Variants in NCOA2 observed in about 807,000 individuals in gnomAD.
NCOA2 encodes nuclear receptor coactivator 2.
A neutral mutation model predicts 145.1 loss-of-function variants in NCOA2; 21 were observed. That is an observed-to-expected ratio of 0.14 (90% CI 0.10 to 0.21). NCOA2 has a LOEUF of 0.21. Among genes scored for constraint, NCOA2 ranks in the 10% least tolerant of loss-of-function variants. NCOA2 has a pLI of 1.00. For synonymous variants in NCOA2, 619 were observed against 637.5 expected (o/e 0.97, Z 0.44); for missense variants, 1,472 against 1,837.6 (o/e 0.80, Z 3.64).
intron 7 of NCOA2, among the ~76,000 whole-genome samples, chr8:70,165,249 C>CATT (rs1488970380): frequency 2.0e-5 from 3 of 152,216 alleles, no homozygotes; most frequent in African/African-American, 7.2e-5. Flanking sequence ...TTATCTCTAA[C>CATT]AGCTCTAATA....
At chr8:70,293,911 T>C (rs1280145064) in intron 2 of NCOA2, among the ~76,000 whole-genome samples, 2 of 152,128 alleles carry the variant, frequency 1.3e-5, no homozygotes, top group Non-Finnish European at 1.5e-5. Context: ...TTTCATATAC[T>C]CAAATCTGGA....
intron 1 of NCOA2, among the ~76,000 whole-genome samples, chr8:70,334,162 A>C (rs1263491228): frequency 6.6e-6 from 1 of 152,212 alleles, no homozygotes; most frequent in Non-Finnish European, 1.5e-5. Flanking sequence ...TTTAAGGCCA[A>C]ATTTATATCC....
chr8:70,253,101 AT>A (rs1458090803), intron 2 of NCOA2, among the ~76,000 whole-genome samples: 1 of 152,050 alleles, frequency 6.6e-6, no homozygotes, highest in African/African-American at 2.4e-5. Context: ...TTTTGTGAAG[AT>A]TATTTATCCT....
intron 1 of NCOA2, among the ~76,000 whole-genome samples, chr8:70,364,741 TAA>T (rs796932464): frequency 1.2e-4 from 15 of 123,630 alleles, no homozygotes; most frequent in African/African-American, 2.0e-4. Flanking sequence ...TCCCAATACT[TAA>T]AAAAAAAAAA....
At chr8:70,255,614 C>T (rs1279266084) in intron 2 of NCOA2, among the ~76,000 whole-genome samples, 2 of 152,172 alleles carry the variant, frequency 1.3e-5, no homozygotes, top group African/African-American at 2.4e-5. Flanking sequence ...CTATCACGTT[C>T]GGCACATACA....
chr8:70,373,994 T>C (rs1161881295), intron 1 of NCOA2, among the ~76,000 whole-genome samples: 12 of 152,200 alleles, frequency 7.9e-5, no homozygotes, highest in Admixed American at 5.9e-4. Flanking sequence ...TCCTAAGTCT[T>C]TGCACTTCCA....
intron 11 of NCOA2, among the ~76,000 whole-genome samples, chr8:70,148,974 A>AT (rs778840741): frequency 1.7e-3 from 244 of 146,944 alleles, no homozygotes; most frequent in East Asian, 3.8e-3. Flanking sequence ...TCCCTTCAGG[A>AT]TTTTTTTTTT....
chr8:70,400,301 G>A (rs1164798545), intron 1 of NCOA2, among the ~76,000 whole-genome samples: 3 of 152,090 alleles, frequency 2.0e-5, no homozygotes, highest in African/African-American at 7.2e-5. Flanking sequence ...CAGGAGGAAG[G>A]AAGCTCAGAT....
intron 4 of NCOA2, among the ~76,000 whole-genome samples, chr8:70,205,609 A>T (rs1473648295): frequency 6.6e-6 from 1 of 152,074 alleles, no homozygotes; most frequent in Non-Finnish European, 1.5e-5. Flanking sequence ...GAGAGGGGAA[A>T]AAAAAAGAGG....
chr8:70,159,695 A>T, intron 9 of NCOA2, 43 bp from the exon 10 acceptor site: 1 of 1,574,756 alleles, frequency 6.4e-7, no homozygotes, highest in Non-Finnish European at 8.7e-7. Context: ...TAGAAAAAAA[A>T]ATTGAGGGGT....
intron 1 of NCOA2, among the ~76,000 whole-genome samples, chr8:70,341,626 G>C (rs900272267): frequency 4.6e-5 from 7 of 152,148 alleles, no homozygotes; most frequent in Non-Finnish European, 7.3e-5. Context: ...AATCAGCAAT[G>C]AATTTTGTTT....
intron 11 of NCOA2, among the ~76,000 whole-genome samples, chr8:70,155,545 T>C (rs971640160): frequency 1.3e-5 from 2 of 152,248 alleles, no homozygotes; most frequent in Non-Finnish European, 2.9e-5. Context: ...ATTTTTTTAA[T>C]GGTTAAAAAC....
chr8:70,300,577 T>C (rs1827410209), intron 1 of NCOA2, among the ~76,000 whole-genome samples: 1 of 152,216 alleles, frequency 6.6e-6, no homozygotes, highest in African/African-American at 2.4e-5. Context: ...ATAAGACAGC[T>C]GGCAGCATTA....
At chr8:70,152,869 A>T (rs1811896270) in intron 11 of NCOA2, among the ~76,000 whole-genome samples, 1 of 152,224 alleles carries the variant, frequency 6.6e-6, no homozygotes. Flanking sequence ...TTAACTGTGC[A>T]ATTCAGACTC....
At chr8:70,442,609 A>T in the NCOA2 span, among the ~76,000 whole-genome samples, 1 of 152,238 alleles carries the variant, frequency 6.6e-6, no homozygotes, top group Non-Finnish European at 1.5e-5. Context: ...TGTGAAACAC[A>T]GGGTGAAATT....
chr8:70,250,417 A>AAAAAG (rs1823060910), intron 2 of NCOA2, among the ~76,000 whole-genome samples: 1 of 145,590 alleles, frequency 6.9e-6, no homozygotes, highest in Non-Finnish European at 1.5e-5. Flanking sequence ...AAAAAAAAAA[A>AAAAAG]AAAAGTCAGC....
chr8:70,147,749 C>T (rs1417924924), intron 12 of NCOA2, among the ~76,000 whole-genome samples: 1 of 152,056 alleles, frequency 6.6e-6, no homozygotes, highest in Admixed American at 6.5e-5. Context: ...TGAGACAGGG[C>T]AAGATTTTTA....
chr8:70,326,435 A>ACACACACACACACACGTG (rs1476428643), intron 1 of NCOA2, among the ~76,000 whole-genome samples: 2 of 146,468 alleles, frequency 1.4e-5, no homozygotes, highest in Non-Finnish European at 3.0e-5. Flanking sequence ...TCTCTCACAC[A>ACACACACACACACACGTG]CACACACACA....
chr8:70,441,372 A>G, the NCOA2 span, among the ~76,000 whole-genome samples: 1 of 137,508 alleles, frequency 7.3e-6, no homozygotes. Flanking sequence ...GAAAGGAGAG[A>G]GAAAGAAAGA....
Sources: allele counts gnomAD v4.1 joint callset (sites outside exome capture counted in the v4.1 genomes callset), GRCh38; gene constraint gnomAD v4.1.1; transcripts MANE v1.5; gene names NCBI Gene and HGNC (gene_info 2026-07-23, HGNC 2026-07-21).